Variants in ZNF37A observed in about 807,000 individuals in gnomAD.
ZNF37A encodes zinc finger protein 37a (KOX 21).
Under a neutral mutation model 12.3 loss-of-function variants are expected in ZNF37A, and 10 were observed. The ratio of observed to expected loss-of-function variants is 0.82; its 90% confidence interval spans 0.50 to 1.38. The LOEUF is 1.38. ZNF37A is among the 40% of genes most tolerant of loss of function. The probability of loss-of-function intolerance (pLI) is 0.00; values close to 1 mark genes in which losing one functional copy is unlikely to be tolerated. For missense variants in ZNF37A, 580 were observed against 651.2 expected (o/e 0.89, Z 1.19); for synonymous variants, 207 against 223.0 (o/e 0.93, Z 0.64).
chr10:38,101,823 CTT>C (rs3041908), intron 5 of ZNF37A, among the ~76,000 whole-genome samples: 28,838 of 132,774 alleles, frequency 0.22, 2,848 homozygotes, highest in Non-Finnish European at 0.24. Context: ...TTTTATTTTT[CTT>C]TTTTTTTTTT....
chr10:38,129,319 A>AAAAAAAAAAAAAAAAAAAAAAAAAAC, downstream of ZNF37A, among the ~76,000 whole-genome samples: 106 of 116,208 alleles, frequency 9.1e-4, 2 homozygotes, highest in Non-Finnish European at 1.3e-3. Context: ...AAAAAAAAAA[A>AAAAAAAAAAAAAAAAAAAAAAAAAAC]AAACTATTAT....
intron 5 of ZNF37A, among the ~76,000 whole-genome samples, chr10:38,108,561 T>G (rs1203727869): frequency 6.6e-6 from 1 of 152,148 alleles, no homozygotes; most frequent in Non-Finnish European, 1.5e-5. Context: ...AGCTGGTTTT[T>G]TGAAAAGATC....
rs574708908 is a variant in ZNF37A at position 38,108,135 on chromosome 10, G to A, written c.16-6620G>A. Among the ~76,000 whole-genome samples, 27 of 151,982 alleles carry A rather than the reference G, an allele frequency of 1.8e-4. No individual in the cohort carries two copies. The East Asian group carries it at 1.9e-3, about 11-fold the overall frequency. ...CACTCCTCAGCAAATGCAAAAGAAC[G>A]GAAATCATAACAGTCTCTCGGGCCA... On this transcript the variant is annotated intron_variant, in intron 5 of 7. Transcript: ENST00000685332.
At chr10:38,117,087 T>C in intron 7 of ZNF37A, 5 of 749,544 alleles carry the variant, frequency 6.7e-6, no homozygotes, top group Non-Finnish European at 8.1e-6. Flanking sequence ...CCAGCCTGGA[T>C]GACAGAGCAA....
chr10:38,112,763 T>C (rs574256181), intron 5 of ZNF37A, among the ~76,000 whole-genome samples: 3,060 of 63,648 alleles, frequency 0.048, 349 homozygotes, highest in African/African-American at 0.065. Flanking sequence ...TTCTTTTCTT[T>C]TCTTTTCTTT....
rs140911312 is a variant in ZNF37A at position 38,135,691 on chromosome 10, G to A, written c.239-11041G>A. On this transcript the variant is annotated intron_variant, in intron 7 of 7. Coordinates refer to the ZNF37A transcript ENST00000638053. Reference sequence around the variant, plus strand: ...TCAACAGTTCTGCATGGCTGAGGAGGCCTCAGAAAACTTAAAATCATGACA... The same window carrying A: ...TCAACAGTTCTGCATGGCTGAGGAGACCTCAGAAAACTTAAAATCATGACA... 3.8e-4 allele frequency among the ~76,000 whole-genome samples: 58 copies of A among 152,340 alleles called. 1 individual carries two copies. In the East Asian group the frequency reaches 9.6e-3, roughly 25 times the overall value.
chr10:38,115,860 G>A (rs1423963960), intron 7 of ZNF37A, among the ~76,000 whole-genome samples: 1 of 151,866 alleles, frequency 6.6e-6, no homozygotes, highest in Non-Finnish European at 1.5e-5. Flanking sequence ...ACCAGCCTGG[G>A]CAAAATAAGA....
downstream of ZNF37A, among the ~76,000 whole-genome samples, chr10:38,127,401 A>G (rs775065832): frequency 2.6e-5 from 4 of 152,246 alleles, no homozygotes; most frequent in Non-Finnish European, 5.9e-5. Context: ...CTTTAATACT[A>G]ATATACAAGT....
At position 38,117,618 on chromosome 10, in the gene ZNF37A, C is replaced by A; in HGVS notation, c.467C>A (p.Pro156His). The change falls in exon 8 of 8, where the codon CCT (proline) becomes CAT (histidine). Residue 156 changes from proline to histidine, a missense_variant. Transcript: ENST00000685332. ...TACAATGAATGTGGGAAAGCTTTCCCTGAGAATTCACTCTTCCTTGTACAT... is the reference window on the plus strand; with the variant it reads ...TACAATGAATGTGGGAAAGCTTTCCATGAGAATTCACTCTTCCTTGTACAT... ...FEYNECGKAFPENSLFLVHKR... is the reference protein window; with the variant it reads ...FEYNECGKAFHENSLFLVHKR... 1.2e-6 allele frequency: 2 copies of A among 1,613,648 alleles called. No individual in the cohort carries two copies. Among genetic ancestry groups the A allele is most frequent in the South Asian group, 1.1e-5 (1 of 90,996 alleles).
Position 38,122,014 on chromosome 10 carries a change from G to C in ZNF37A, c.*3177G>C, listed in dbSNP as rs2069727004. On this transcript the variant is annotated 3_prime_UTR_variant, in exon 8 of 8. Coordinates refer to ENST00000685332, the MANE Select transcript of ZNF37A (RefSeq NM_001324250.3). ...GCATGTTAGAAGGTCAAGGTGGGTG[G>C]GTTGCTTGAGCTCAGGAGTTTGAGA... 1 of 152,240 alleles carries C rather than the reference G, an allele frequency of 6.6e-6. No homozygotes were observed. The highest frequency in any genetic ancestry group is 2.4e-5 in the African/African-American group (1 of 41,394). 9.4% of individuals were successfully genotyped at this position (152,240 alleles called of 1,614,324 possible).
intron 5 of ZNF37A, among the ~76,000 whole-genome samples, chr10:38,107,114 G>T (rs2068168564): frequency 6.6e-6 from 1 of 152,098 alleles, no homozygotes; most frequent in African/African-American, 2.4e-5. Flanking sequence ...GAAAGGTCAG[G>T]TCACCCACAA....
rs767873339 is a variant in ZNF37A at position 38,120,780 on chromosome 10, C to G, written c.*1943C>G. ...ATGAAAAAAATGGATACATTAGGAGCTTCAAACACATATAATTTCTCAAGA... is the reference window on the plus strand; with the variant it reads ...ATGAAAAAAATGGATACATTAGGAGGTTCAAACACATATAATTTCTCAAGA... On this transcript the variant is annotated 3_prime_UTR_variant, in exon 8 of 8. Transcript: ENST00000685332. 1 of 152,188 alleles carries G rather than the reference C, an allele frequency of 6.6e-6. No homozygotes were observed. Among genetic ancestry groups the G allele is most frequent in the Non-Finnish European group, 1.5e-5 (1 of 68,060 alleles). 9.4% of individuals were successfully genotyped at this position (152,188 alleles called of 1,614,324 possible). A position where few individuals can be genotyped will look rare whatever the true frequency, so the allele number is the denominator to read the frequency against.
At chr10:38,101,463 C>T (rs1433633992) in intron 5 of ZNF37A, among the ~76,000 whole-genome samples, 1 of 151,494 alleles carries the variant, frequency 6.6e-6, no homozygotes, top group Admixed American at 6.6e-5. Flanking sequence ...TGTTGAAAAT[C>T]ATTTTACCAT....
At chr10:38,146,310 CT>C (rs2070253240) in intron 7 of ZNF37A, among the ~76,000 whole-genome samples, 1 of 152,076 alleles carries the variant, frequency 6.6e-6, no homozygotes, top group Non-Finnish European at 1.5e-5. Context: ...GAGTTTCGCT[CT>C]TGTTGCCCAG....
intron 5 of ZNF37A, among the ~76,000 whole-genome samples, chr10:38,102,400 T>C (rs990808142): frequency 7.2e-5 from 11 of 152,314 alleles, no homozygotes; most frequent in Admixed American, 6.5e-4. Context: ...CAATCTAGCT[T>C]GCATTAATAC....
At chr10:38,101,778 A>G (rs539200884) in intron 5 of ZNF37A, among the ~76,000 whole-genome samples, 1 of 149,310 alleles carries the variant, frequency 6.7e-6, no homozygotes, top group African/African-American at 2.5e-5. Flanking sequence ...TAGTTGGATC[A>G]TATATTTGTA....
chr10:38,136,847 C>T (rs2070114220), intron 7 of ZNF37A, among the ~76,000 whole-genome samples: 1 of 151,984 alleles, frequency 6.6e-6, no homozygotes, highest in Non-Finnish European at 1.5e-5. Flanking sequence ...CACTTTTTTC[C>T]TTTCTTTTCC....
Position 38,119,026 on chromosome 10 carries a change from C to A in ZNF37A, c.*189C>A. On this transcript the variant is annotated 3_prime_UTR_variant, in exon 8 of 8. Transcript: ENST00000685332. ...GGAATTTGGACCATACACTATGTTACAAAACTAAAAGTGGAAAAAACTTAT... is the reference window on the plus strand; with the variant it reads ...GGAATTTGGACCATACACTATGTTAAAAAACTAAAAGTGGAAAAAACTTAT... 1 of 1,274,226 alleles carries A rather than the reference C, an allele frequency of 7.8e-7. No homozygotes were observed. The allele number at this position is 1,274,226 out of a possible 1,614,324, so 78.9% of individuals were successfully genotyped here.
chr10:38,098,729 C>T (rs2067334930), intron 5 of ZNF37A, among the ~76,000 whole-genome samples: 1 of 152,156 alleles, frequency 6.6e-6, no homozygotes, highest in Admixed American at 6.5e-5. Flanking sequence ...TATTGAGACT[C>T]AGCCATACTC....
Sources: gnomAD v4.1 joint callset for allele counts (sites outside exome capture counted in the v4.1 genomes callset) on GRCh38, gnomAD v4.1.1 for gene constraint, MANE v1.5 for transcripts, NCBI Gene and HGNC (gene_info 2026-07-23, HGNC 2026-07-21) for gene names.